CHD4: variants seen among roughly 807,000 people sequenced by gnomAD.
CHD4 encodes chromodomain helicase DNA binding protein 4.
Under a neutral mutation model 235.5 loss-of-function variants are expected in CHD4, and 35 were observed. That is an observed-to-expected ratio of 0.15 (90% CI 0.11 to 0.20). The LOEUF is 0.20. Among genes scored for constraint, CHD4 ranks in the 10% least tolerant of loss-of-function variants. The pLI, the probability that CHD4 is intolerant of heterozygous loss-of-function variation, is 1.00. For synonymous variants in CHD4, 900 were observed against 850.2 expected (o/e 1.06, Z -1.02); for missense variants, 1,329 against 2,432.3 (o/e 0.55, Z 9.54).
At chr12:6,600,441 T>TCCCCCCCCCCCCC in intron 8 of CHD4, 46 bp from the exon 9 acceptor site, 7 of 1,600,388 alleles carry the variant, frequency 4.4e-6, no homozygotes, top group Non-Finnish European at 6.0e-6. Context: ...AAAAACTACC[T>TCCCCCCCCCCCCC]CCCCCCACCC....
chr12:6,591,322 A>G, intron 22 of CHD4, 144 bp downstream of exon 22: 1 of 653,516 alleles, frequency 1.5e-6, no homozygotes, highest in Non-Finnish European at 2.6e-6. Context: ...ACATTCGTCC[A>G]ATTGAGACAT....
rs1381948300 is a variant in CHD4, at chr12:6,607,364, C to T, written c.-143G>A. 6.6e-6 allele frequency: 1 copy of T among 151,962 alleles called. No homozygotes were observed. Among genetic ancestry groups the T allele is most frequent in the Non-Finnish European group, 1.5e-5 (1 of 67,988 alleles). The allele number at this position is 151,962 out of a possible 1,614,324, so 9.4% of individuals were successfully genotyped here. On this transcript the variant is annotated 5_prime_UTR_variant, in exon 1 of 40. Coordinates refer to ENST00000544040, the MANE Select transcript of CHD4 (RefSeq NM_001273.5). Reference sequence around the variant, plus strand: ...TCACTCCCGCTCCGGCTCCTCCTCGCCGCGGCCGAAGGGGGGAAAATGGCT... The same window carrying T: ...TCACTCCCGCTCCGGCTCCTCCTCGTCGCGGCCGAAGGGGGGAAAATGGCT...
intron 23 of CHD4, 84 bp downstream of exon 23, chr12:6,588,214 C>T: frequency 1.3e-6 from 2 of 1,508,444 alleles, no homozygotes; most frequent in African/African-American, 1.4e-5. Flanking sequence ...AACCTAATTC[C>T]AGATGGTGGA....
rs115927377 is a variant in CHD4, at chr12:6,570,732, T to C, written c.5722-39A>G. ...CCCGAGGAGTCAGAATTCCAGATGA[T>C]AGGAATCCACCCAATCTCAAGGGAA... On this transcript the variant is annotated intron_variant, in intron 39 of 39. Transcript: ENST00000544040. 1.4e-4 allele frequency: 228 copies of C among 1,613,980 alleles called. No individual in the cohort carries two copies. The African/African-American group carries it at 2.5e-3, about 17-fold the overall frequency.
chr12:6,576,907 C>T (rs1420126275), intron 37 of CHD4, among the ~76,000 whole-genome samples: 3 of 151,914 alleles, frequency 2.0e-5, no homozygotes, highest in Non-Finnish European at 2.9e-5. Flanking sequence ...ATTTCTTCCC[C>T]GATTATACTC....
intron 4 of CHD4, 32 bp downstream of exon 4, chr12:6,601,928 C>T: frequency 1.2e-6 from 2 of 1,604,508 alleles, no homozygotes. Context: ...AAAAGTTTAA[C>T]AGTACAAAGA....
chr12:6,582,587 G>C (rs779952668), intron 29 of CHD4, 28 bp downstream of exon 29: 16 of 1,592,712 alleles, frequency 1.0e-5, no homozygotes, highest in African/African-American at 1.3e-5. Flanking sequence ...CCTTGCTCTA[G>C]ATCAGTCCAC....
rs568749721 is a variant in CHD4, at chr12:6,605,056, C to T, written c.100+1218G>A. ...GTTTCTCATCCCAACAGCCCAGACTCCATGACAACACTAACCCCTCTCCTA... is the reference window on the plus strand; with the variant it reads ...GTTTCTCATCCCAACAGCCCAGACTTCATGACAACACTAACCCCTCTCCTA... On this transcript the variant is annotated intron_variant, in intron 2 of 39. Coordinates refer to ENST00000544040, the MANE Select transcript of CHD4 (RefSeq NM_001273.5). Among the ~76,000 whole-genome samples, 15 of 152,282 alleles carry T rather than the reference C, an allele frequency of 9.9e-5. 1 individual carries two copies. Among genetic ancestry groups the T allele is most frequent in the African/African-American group, 3.1e-4 (13 of 41,548 alleles).
chr12:6,579,288 A>G (rs1456408633), intron 33 of CHD4: 4 of 284,400 alleles, frequency 1.4e-5, no homozygotes, highest in Non-Finnish European at 2.0e-5. Context: ...TGTCTCTACT[A>G]AAAGTACAAA....
chr12:6,573,120 C>T lies in CHD4; in HGVS notation c.5511G>A (p.Lys1837=), dbSNP rs1461828025. Reference sequence around the variant, plus strand: ...CTGGCTTGTTTCCTGCCATTGACTCCTTGGACAGGTGCTGATGACTTTCCG... The same window carrying T: ...CTGGCTTGTTTCCTGCCATTGACTCTTTGGACAGGTGCTGATGACTTTCCG... ...CLAESHQHLS[K]ESMAGNKPAN... Residue 1837 remains lysine, a synonymous_variant, in exon 38 of 40, where the codon AAG becomes AAA. Transcript: ENST00000544040. The T allele has an allele frequency of 1.9e-6, 3 of 1,611,240 alleles. No homozygotes were observed. The highest frequency in any genetic ancestry group is 1.7e-5 in the Admixed American group (1 of 59,598).
chr12:6,606,040 G>A (rs1250010663), intron 2 of CHD4, among the ~76,000 whole-genome samples: 2 of 152,196 alleles, frequency 1.3e-5, no homozygotes, highest in Non-Finnish European at 2.9e-5. Context: ...GGGAACTGCA[G>A]AGCATTCCTC....
chr12:6,584,444 G>C (rs1436340708), intron 25 of CHD4: 1 of 152,174 alleles, frequency 6.6e-6, no homozygotes, highest in African/African-American at 2.4e-5. Flanking sequence ...GTGTTGCCCA[G>C]GCTGGAGTAG....
chr12:6,597,046 G>A (rs79056447), intron 12 of CHD4, among the ~76,000 whole-genome samples: 4 of 150,024 alleles, frequency 2.7e-5, no homozygotes, highest in Admixed American at 2.0e-4. Flanking sequence ...GAGGTGAGCG[G>A]ATCACAAGGT....
At position 6,602,042 on chromosome 12, in the gene CHD4, T is replaced by C; in HGVS notation, c.356A>G (p.Lys119Arg). Reference sequence around the variant, plus strand: ...CTTCTTCTCTTTCTTAGGTCCAAGCTTCTTCTTCTTCTTCTTGCCAGGAGT... The same window carrying C: ...CTTCTTCTCTTTCTTAGGTCCAAGCCTCTTCTTCTTCTTCTTGCCAGGAGT... Reference protein sequence around the residue: ...DYTPGKKKKKKLGPKKEKKSK... With the variant: ...DYTPGKKKKKRLGPKKEKKSK... The change falls in exon 4 of 40, where the codon AAG (lysine) becomes AGG (arginine). Residue 119 changes from lysine (K) to arginine (R), a missense_variant. Physicochemically the swap from Lys to Arg is conservative, Grantham distance 26. Transcript: ENST00000544040. The C allele has an allele frequency of 2.6e-6, 4 of 1,565,254 alleles. No individual in the cohort carries two copies. Among genetic ancestry groups the C allele is most frequent in the Non-Finnish European group, 3.5e-6 (4 of 1,147,726 alleles).
At chr12:6,585,595 T>TA (rs1948274086) in intron 25 of CHD4, among the ~76,000 whole-genome samples, 1 of 150,360 alleles carries the variant, frequency 6.7e-6, no homozygotes. Flanking sequence ...TTCTAATCTT[T>TA]AAAAAAACAT....
rs773573339 is a variant in CHD4 at position 6,595,402 on chromosome 12, G to A, written c.2053C>T (p.Pro685Ser). 6.2e-7 allele frequency: 1 copy of A among 1,613,936 alleles called. No individual in the cohort carries two copies. Among genetic ancestry groups the A allele is most frequent in the Admixed American group, 1.7e-5 (1 of 59,994 alleles). The change falls in exon 14 of 40, where the codon CCA becomes TCA. Residue 685 changes from proline (P) to serine (S), a missense_variant. Physicochemically the swap from Pro to Ser is moderately conservative, Grantham distance 74 (BLOSUM62 -1). This residue lies in a region of CHD4 where 121 missense variants were observed against 177.8 expected (regional missense o/e 0.68). Transcript: ENST00000544040. ...TTCACCTTCTTGAGCTTCTTGCCTGGTCGGCCTTCCTCACCCCTCATTAAC... is the reference window on the plus strand; with the variant it reads ...TTCACCTTCTTGAGCTTCTTGCCTGATCGGCCTTCCTCACCCCTCATTAAC... ...RELMRGEEGR[P>S]GKKLKKVKLR...
At chr12:6,578,290 T>G in intron 35 of CHD4, 119 bp downstream of exon 35, 1 of 1,407,266 alleles carries the variant, frequency 7.1e-7, no homozygotes, top group Non-Finnish European at 9.9e-7. Flanking sequence ...CCACTATCAG[T>G]TTGGCATTCC....
chr12:6,578,081 A>G lies in CHD4; in HGVS notation c.5176T>C (p.Tyr1726His). 2 of 1,613,312 alleles carry G rather than the reference A, an allele frequency of 1.2e-6. No individual in the cohort carries two copies. The highest frequency in any genetic ancestry group is 1.7e-6 in the Non-Finnish European group (2 of 1,180,014). Residue 1726 changes from tyrosine to histidine, a missense_variant, in exon 36 of 40, where the codon TAT becomes CAT. Physicochemically the swap from Tyr to His is moderately conservative, Grantham distance 83. Coordinates refer to ENST00000544040, the MANE Select transcript of CHD4 (RefSeq NM_001273.5). ...ERAATVTKKT[Y>H]EIWHRRHDYW... ...TCATGCCGTCGATGCCAGATCTCAT[A>G]AGTCTTCTTGGTAACTGTGGCTGCC... is the stretch of plus-strand genomic sequence containing the variant.
At chr12:6,586,533 T>C (rs767972147) in intron 25 of CHD4, among the ~76,000 whole-genome samples, 1 of 152,206 alleles carries the variant, frequency 6.6e-6, no homozygotes, top group African/African-American at 2.4e-5. Flanking sequence ...AAGACCATCC[T>C]GGGCAACATA....
Sources: allele counts gnomAD v4.1 joint callset (sites outside exome capture counted in the v4.1 genomes callset), GRCh38; gene constraint gnomAD v4.1.1; regional missense constraint gnomAD v4.1.1; transcripts MANE v1.5; gene names NCBI Gene and HGNC (gene_info 2026-07-23, HGNC 2026-07-21).